Variants in ISM1 observed in about 807,000 individuals in gnomAD.
The protein encoded by ISM1 is isthmin 1, also known as isthmin-1.
ISM1 carries 25 observed loss-of-function variants against 46.3 expected under a neutral mutation model. The observed-to-expected ratio is 0.54, with a 90% confidence interval of 0.39 to 0.75. The LOEUF (loss-of-function observed/expected upper bound fraction) is 0.75, where lower values mean the gene tolerates loss of function less well. ISM1 is among the 30% of genes least tolerant of loss of function. ISM1 has a pLI of 0.00. For synonymous variants in ISM1, 255 were observed against 256.7 expected, an observed-to-expected ratio of 0.99 and a Z score of 0.06; for missense variants, 536 against 625.4, an observed-to-expected ratio of 0.86 and a Z score of 1.52.
the ISM1 span, among the ~76,000 whole-genome samples, chr20:13,321,343 C>T: frequency 6.7e-6 from 1 of 148,426 alleles, no homozygotes; most frequent in Non-Finnish European, 1.5e-5. Flanking sequence ...GGGCCTAAAC[C>T]ACATGAATAC....
chr20:13,258,589 C>A (rs78925429), intron 1 of ISM1, among the ~76,000 whole-genome samples: 1 of 152,204 alleles, frequency 6.6e-6, no homozygotes, highest in East Asian at 1.9e-4. Context: ...AACATCTCCC[C>A]CTTCATGACC....
chr20:13,224,330 A>G (rs1000134955), intron 1 of ISM1, among the ~76,000 whole-genome samples: 6 of 152,228 alleles, frequency 3.9e-5, no homozygotes, highest in African/African-American at 1.4e-4. Flanking sequence ...TTATAAGTCA[A>G]AAGAAGAATG....
chr20:13,230,126 G>A (rs2039572600), intron 1 of ISM1, among the ~76,000 whole-genome samples: 1 of 152,026 alleles, frequency 6.6e-6, no homozygotes, highest in Non-Finnish European at 1.5e-5. Context: ...TATTCATTTG[G>A]TCAAGAAGAA....
At chr20:13,295,637 A>G (rs560008462) in intron 5 of ISM1, among the ~76,000 whole-genome samples, 11 of 152,348 alleles carry the variant, frequency 7.2e-5, no homozygotes, top group African/African-American at 2.6e-4. Context: ...CACCCAGGAA[A>G]GATAAAGAGG....
At chr20:13,292,589 C>T in intron 5 of ISM1, 126 bp downstream of exon 5, 1 of 656,068 alleles carries the variant, frequency 1.5e-6, no homozygotes, top group Non-Finnish European at 2.7e-6. Flanking sequence ...CCAGTGCTCC[C>T]AGCATGTGTC....
chr20:13,323,535 G>A, the ISM1 span, among the ~76,000 whole-genome samples: 1 of 152,166 alleles, frequency 6.6e-6, no homozygotes, highest in African/African-American at 2.4e-5. Flanking sequence ...GCTTCAGTAT[G>A]ATACTATTCA....
chr20:13,275,065 A>C (rs1568682101), intron 2 of ISM1, among the ~76,000 whole-genome samples: 1 of 152,222 alleles, frequency 6.6e-6, no homozygotes, highest in Non-Finnish European at 1.5e-5. Context: ...CTCTGAAATA[A>C]ATGCACTGTT....
chr20:13,292,807 A>C (rs2040367361), intron 5 of ISM1, among the ~76,000 whole-genome samples: 2 of 152,190 alleles, frequency 1.3e-5, no homozygotes, highest in African/African-American at 4.8e-5. Context: ...CGTCCTCAAG[A>C]AAATCAAGAA....
At chr20:13,306,950 C>T in the ISM1 span, among the ~76,000 whole-genome samples, 3 of 152,158 alleles carry the variant, frequency 2.0e-5, no homozygotes, top group African/African-American at 7.2e-5. Context: ...CCAAGGCCAC[C>T]TGCTCTGTGT....
chr20:13,257,927 A>G (rs1214886590), intron 1 of ISM1, among the ~76,000 whole-genome samples: 1 of 152,060 alleles, frequency 6.6e-6, no homozygotes, highest in African/African-American at 2.4e-5. Context: ...AAATTAGGAC[A>G]GCACCGTACA....
intron 1 of ISM1, among the ~76,000 whole-genome samples, chr20:13,247,520 GTGT>G (rs1568669265): frequency 0.01 from 867 of 85,308 alleles, 5 homozygotes; most frequent in Middle Eastern, 0.024. Flanking sequence ...AGTGAGGGGT[GTGT>G]GTGTGTGTGT....
chr20:13,233,000 T>C (rs1480432655), intron 1 of ISM1, among the ~76,000 whole-genome samples: 1 of 150,262 alleles, frequency 6.7e-6, no homozygotes, highest in African/African-American at 2.5e-5. Flanking sequence ...GTGGGGGTTG[T>C]GAAAAGAAAA....
At chr20:13,291,636 T>G (rs2040353895) in intron 4 of ISM1, among the ~76,000 whole-genome samples, 1 of 152,166 alleles carries the variant, frequency 6.6e-6, no homozygotes, top group African/African-American at 2.4e-5. Flanking sequence ...GGTGAGCCAG[T>G]AAGTTTGAGT....
At chr20:13,265,054 G>T (rs1259393824) in intron 1 of ISM1, among the ~76,000 whole-genome samples, 10 of 152,188 alleles carry the variant, frequency 6.6e-5, no homozygotes, top group African/African-American at 2.4e-4. Flanking sequence ...TGGGCCCGAT[G>T]TGTATAATAT....
At chr20:13,278,570 C>G (rs2040205716) in intron 2 of ISM1, among the ~76,000 whole-genome samples, 1 of 152,210 alleles carries the variant, frequency 6.6e-6, no homozygotes, top group African/African-American at 2.4e-5. Flanking sequence ...GAACCAGACT[C>G]CCCATGTCTG....
chr20:13,261,116 T>G (rs1415707383), intron 1 of ISM1, among the ~76,000 whole-genome samples: 1 of 152,082 alleles, frequency 6.6e-6, no homozygotes. Flanking sequence ...TTGGCCGCAG[T>G]AAGAAGCTCA....
At chr20:13,257,372 C>T (rs984129274) in intron 1 of ISM1, among the ~76,000 whole-genome samples, 1 of 152,058 alleles carries the variant, frequency 6.6e-6, no homozygotes, top group African/African-American at 2.4e-5. Context: ...AAAAAATTAG[C>T]CAAGCGTGGT....
chr20:13,221,655 T>TGGCGGGAGCCGA lies in ISM1; in HGVS notation c.-110_-99dup, dbSNP rs1356986653. ...CCCGCGGGCCCGGGAAGCGGAGCCC[T>TGGCGGGAGCCGA]GGCGGGAGCCGAGGCGGGAGCCGCG... is the stretch of plus-strand genomic sequence containing the variant. On this transcript the variant is annotated 5_prime_UTR_variant, in exon 1 of 6. Coordinates refer to ENST00000262487, the MANE Select transcript of ISM1 (RefSeq NM_080826.2). The TGGCGGGAGCCGA allele has an allele frequency of 5.4e-5, 45 of 834,078 alleles. No homozygotes were observed. Among genetic ancestry groups the TGGCGGGAGCCGA allele is most frequent in the African/African-American group, 1.5e-4 (8 of 54,278 alleles). The allele number at this position is 834,078 out of a possible 1,614,324, so 51.7% of individuals were successfully genotyped here.
intron 3 of ISM1, among the ~76,000 whole-genome samples, chr20:13,285,568 G>A (rs770172116): frequency 3.3e-5 from 5 of 152,154 alleles, no homozygotes; most frequent in South Asian, 4.1e-4. Flanking sequence ...AGAGTTCCCT[G>A]CAGCAAGACG....
Sources: gnomAD v4.1 joint callset for allele counts (sites outside exome capture counted in the v4.1 genomes callset) on GRCh38, gnomAD v4.1.1 for gene constraint, MANE v1.5 for transcripts, NCBI Gene and HGNC (gene_info 2026-07-23, HGNC 2026-07-21) for gene names.